The following PDE4B variants were observed in gnomAD, a reference collection of about 807,000 sequenced individuals.
PDE4B encodes 3',5'-cyclic-AMP phosphodiesterase 4B.
Under a neutral mutation model 82.2 loss-of-function variants are expected in PDE4B, and 20 were observed. The ratio of observed to expected loss-of-function variants is 0.24; its 90% confidence interval spans 0.17 to 0.35. The LOEUF is 0.35. Ranked by LOEUF, PDE4B falls within the 10% of genes least tolerant of loss-of-function variation. The probability of loss-of-function intolerance (pLI) is 1.00; values close to 1 mark genes in which losing one functional copy is unlikely to be tolerated. For synonymous variants in PDE4B, 320 were observed against 318.9 expected (o/e 1.00, Z -0.04); for missense variants, 655 against 907.2 (o/e 0.72, Z 3.57).
intron 3 of PDE4B, among the ~76,000 whole-genome samples, chr1:66,120,412 G>C (rs920967458): frequency 1.3e-5 from 2 of 152,148 alleles, no homozygotes; most frequent in South Asian, 4.1e-4. Flanking sequence ...TCAAGAATTA[G>C]AGGAAAGACG....
intron 1 of PDE4B, among the ~76,000 whole-genome samples, chr1:65,879,683 T>G (rs1190846744): frequency 6.6e-6 from 1 of 152,164 alleles, no homozygotes; most frequent in East Asian, 1.9e-4. Context: ...CAACGGGAAT[T>G]GTATATCAGG....
intron 7 of PDE4B, among the ~76,000 whole-genome samples, chr1:66,279,732 T>C (rs1209912183): frequency 6.6e-6 from 1 of 152,186 alleles, no homozygotes; most frequent in African/African-American, 2.4e-5. Context: ...ATTATAGTGG[T>C]TGACAAGCTT....
intron 16 of PDE4B, 40 bp downstream of exon 16, chr1:66,369,009 C>T (rs760794118): frequency 6.9e-7 from 1 of 1,459,154 alleles, no homozygotes; most frequent in South Asian, 1.3e-5. Flanking sequence ...GTGAGCTCTG[C>T]TGATTATAGA....
chr1:66,363,217 G>A lies in PDE4B; in HGVS notation c.1070G>A (p.Gly357Glu). 6.2e-7 allele frequency: 1 copy of A among 1,613,210 alleles called. No homozygotes were observed. Among genetic ancestry groups the A allele is most frequent in the African/African-American group, 1.3e-5 (1 of 74,992 alleles). Residue 357 changes from glycine (G) to glutamate (E), a missense_variant, in exon 11 of 17, where the codon GGA (glycine) becomes GAA (glutamate). Physicochemically the swap from Gly to Glu is moderately conservative, Grantham distance 98 (BLOSUM62 -2). Around this residue, in one of 3 missense-constraint regions of PDE4B, gnomAD observed 283 missense variants for 516.4 expected, o/e 0.55. Transcript: ENST00000341517. ...KWGLNIFNVA[G>E]YSHNRPLTCI... is the part of the protein sequence containing the mutation. ...GGTCTTAACATCTTTAATGTGGCTG[G>A]ATATTCTCACAATAGACCCCTAACA...
At chr1:65,948,459 G>A (rs1648825609) in intron 3 of PDE4B, among the ~76,000 whole-genome samples, 1 of 151,940 alleles carries the variant, frequency 6.6e-6, no homozygotes, top group African/African-American at 2.4e-5. Flanking sequence ...AGGGCAGGAA[G>A]TATCCAGCAT....
At chr1:66,110,589 A>C (rs564862580) in intron 3 of PDE4B, among the ~76,000 whole-genome samples, 41 of 152,212 alleles carry the variant, frequency 2.7e-4, no homozygotes, top group Middle Eastern at 3.4e-3. Flanking sequence ...AAAAGCATAG[A>C]TTCTGAAATT....
intron 7 of PDE4B, among the ~76,000 whole-genome samples, chr1:66,321,955 G>A (rs933618298): frequency 1.3e-5 from 2 of 152,076 alleles, no homozygotes; most frequent in Admixed American, 6.5e-5. Context: ...AAACAACATG[G>A]TACTGGTACC....
At chr1:66,005,793 G>A (rs986758080) in intron 3 of PDE4B, among the ~76,000 whole-genome samples, 1 of 152,128 alleles carries the variant, frequency 6.6e-6, no homozygotes, top group Non-Finnish European at 1.5e-5. Flanking sequence ...TATTATGAAG[G>A]AGCTATCTTC....
intron 3 of PDE4B, among the ~76,000 whole-genome samples, chr1:66,091,188 G>A (rs1012229858): frequency 9.9e-5 from 15 of 151,938 alleles, no homozygotes; most frequent in Admixed American, 3.9e-4. Context: ...AAAAGTGACC[G>A]TAACTTCGTA....
At chr1:66,124,915 A>ATGTGTGTG in intron 3 of PDE4B, among the ~76,000 whole-genome samples, 1 of 39,678 alleles carries the variant, frequency 2.5e-5, no homozygotes, top group Admixed American at 3.8e-4. Context: ...GTGTGTGTGT[A>ATGTGTGTG]TGCGTGTGTG....
At chr1:66,024,891 A>G (rs1297363343) in intron 3 of PDE4B, among the ~76,000 whole-genome samples, 1 of 151,914 alleles carries the variant, frequency 6.6e-6, no homozygotes, top group Non-Finnish European at 1.5e-5. Flanking sequence ...GGCAAATACA[A>G]TATTTATATA....
intron 3 of PDE4B, among the ~76,000 whole-genome samples, chr1:66,020,822 T>C (rs1367479101): frequency 1.3e-5 from 2 of 152,204 alleles, no homozygotes; most frequent in Non-Finnish European, 1.5e-5. Flanking sequence ...ATCCTTTGGG[T>C]ATATGCCCAG....
At chr1:66,084,038 T>C (rs924392946) in intron 3 of PDE4B, among the ~76,000 whole-genome samples, 4 of 152,186 alleles carry the variant, frequency 2.6e-5, no homozygotes, top group Admixed American at 2.0e-4. Flanking sequence ...TCCTCAGCCA[T>C]TGAGTTATCT....
At chr1:66,337,518 G>A (rs1660621249) in intron 8 of PDE4B, among the ~76,000 whole-genome samples, 1 of 152,186 alleles carries the variant, frequency 6.6e-6, no homozygotes, top group African/African-American at 2.4e-5. Context: ...ACTTGGGTAA[G>A]CAGGCTGCGG....
chr1:66,001,205 T>A (rs779138366), intron 3 of PDE4B, among the ~76,000 whole-genome samples: 3 of 152,200 alleles, frequency 2.0e-5, no homozygotes, highest in African/African-American at 4.8e-5. Flanking sequence ...CAGGGAGACA[T>A]CACTGGTAGT....
intron 1 of PDE4B, among the ~76,000 whole-genome samples, chr1:65,860,411 G>A (rs1646441034): frequency 6.6e-6 from 1 of 152,160 alleles, no homozygotes; most frequent in African/African-American, 2.4e-5. Flanking sequence ...ATTCCATGGT[G>A]TACATGTGCC....
intron 3 of PDE4B, among the ~76,000 whole-genome samples, chr1:66,190,449 A>G (rs1263045422): frequency 1.3e-5 from 2 of 152,192 alleles, no homozygotes; most frequent in South Asian, 4.1e-4. Flanking sequence ...CTACAGAGGC[A>G]GGCAGGCCTC....
intron 3 of PDE4B, among the ~76,000 whole-genome samples, chr1:65,967,693 A>G (rs1360731161): frequency 6.6e-6 from 1 of 152,176 alleles, no homozygotes; most frequent in East Asian, 1.9e-4. Flanking sequence ...GCAGCCATAA[A>G]AAAGGATGAG....
chr1:66,139,541 G>A (rs1011926121), intron 3 of PDE4B, among the ~76,000 whole-genome samples: 10 of 151,994 alleles, frequency 6.6e-5, no homozygotes, highest in Non-Finnish European at 1.2e-4. Context: ...TTCCAATATC[G>A]TCTTCCTATC....
Sources: allele counts gnomAD v4.1 joint callset (sites outside exome capture counted in the v4.1 genomes callset), GRCh38; gene constraint gnomAD v4.1.1; regional missense constraint gnomAD v4.1.1; transcripts MANE v1.5; gene names NCBI Gene and HGNC (gene_info 2026-07-23, HGNC 2026-07-21).